The following SYNPR variants were observed in gnomAD, a reference collection of about 807,000 sequenced individuals.
The protein encoded by SYNPR is synaptoporin.
Under a neutral mutation model 32.9 loss-of-function variants are expected in SYNPR, and 23 were observed. The ratio of observed to expected loss-of-function variants is 0.70; its 90% confidence interval spans 0.50 to 0.99. SYNPR has a LOEUF of 0.99. SYNPR is among the 50% of genes least tolerant of loss of function. The pLI, the probability that SYNPR is intolerant of heterozygous loss-of-function variation, is 0.00. For missense variants in SYNPR, 318 were observed against 349.3 expected (o/e 0.91, Z 0.71); for synonymous variants, 146 against 135.9 (o/e 1.07, Z -0.52).
the SYNPR span, among the ~76,000 whole-genome samples, chr3:63,209,175 G>A: frequency 7.2e-5 from 11 of 152,106 alleles, no homozygotes; most frequent in African/African-American, 2.4e-4. Context: ...AAAACTAGCC[G>A]GGCGAGGTGG....
intron 2 of SYNPR, among the ~76,000 whole-genome samples, chr3:63,415,354 AG>A (rs1263149411): frequency 6.6e-6 from 1 of 152,224 alleles, no homozygotes; most frequent in Non-Finnish European, 1.5e-5. Flanking sequence ...TCTAGACCAG[AG>A]ACTGGCAAAT....
chr3:63,341,398 G>T (rs2087369076), intron 2 of SYNPR, among the ~76,000 whole-genome samples: 1 of 152,114 alleles, frequency 6.6e-6, no homozygotes, highest in Admixed American at 6.5e-5. Flanking sequence ...ATCCTATAGT[G>T]GACTAAGCTT....
chr3:63,339,911 C>T (rs2087342448), intron 2 of SYNPR, among the ~76,000 whole-genome samples: 1 of 152,194 alleles, frequency 6.6e-6, no homozygotes, highest in Non-Finnish European at 1.5e-5. Flanking sequence ...CCCGCCTCGG[C>T]CTCCCAAAGT....
At chr3:63,503,091 C>T (rs1353537878) in intron 3 of SYNPR, among the ~76,000 whole-genome samples, 1 of 152,102 alleles carries the variant, frequency 6.6e-6, no homozygotes, top group African/African-American at 2.4e-5. Context: ...GCATTCCCAC[C>T]AGAAATAAAC....
chr3:63,475,502 T>C (rs1451614635), intron 2 of SYNPR, among the ~76,000 whole-genome samples: 1 of 152,190 alleles, frequency 6.6e-6, no homozygotes, highest in Non-Finnish European at 1.5e-5. Context: ...ACACCTTCAA[T>C]GTCTGGTAAG....
At chr3:63,475,936 T>A (rs1700892865) in intron 2 of SYNPR, among the ~76,000 whole-genome samples, 1 of 152,020 alleles carries the variant, frequency 6.6e-6, no homozygotes, top group African/African-American at 2.4e-5. Flanking sequence ...CTCTCGAGCA[T>A]CAGTGGTCAA....
the SYNPR span, among the ~76,000 whole-genome samples, chr3:63,205,791 C>A: frequency 6.6e-6 from 1 of 152,144 alleles, no homozygotes; most frequent in Non-Finnish European, 1.5e-5. Flanking sequence ...TAGGAGTATG[C>A]AAAGTATTAC....
intron 2 of SYNPR, among the ~76,000 whole-genome samples, chr3:63,256,640 G>A (rs1446821709): frequency 6.6e-6 from 1 of 152,128 alleles, no homozygotes; most frequent in Non-Finnish European, 1.5e-5. Flanking sequence ...AGAAAAATTG[G>A]AAACTCTAAA....
upstream of SYNPR, among the ~76,000 whole-genome samples, chr3:63,276,805 G>A (rs779600176): frequency 2.0e-4 from 30 of 152,088 alleles, no homozygotes; most frequent in Non-Finnish European, 5.9e-5. Context: ...CAAAATTCAT[G>A]AGCAGGGGGC....
intron 2 of SYNPR, among the ~76,000 whole-genome samples, chr3:63,368,390 A>T (rs891687988): frequency 2.0e-5 from 3 of 152,188 alleles, no homozygotes; most frequent in Admixed American, 6.5e-5. Context: ...GAGGAATGTG[A>T]TGTTGCATAT....
intron 1 of SYNPR, among the ~76,000 whole-genome samples, chr3:63,248,089 G>A (rs2086305338): frequency 1.3e-5 from 2 of 152,118 alleles, no homozygotes; most frequent in South Asian, 2.1e-4. Flanking sequence ...CCTTGGGATT[G>A]AGAGCTATTA....
At chr3:63,430,779 T>C (rs1401649092) in intron 2 of SYNPR, among the ~76,000 whole-genome samples, 1 of 152,188 alleles carries the variant, frequency 6.6e-6, no homozygotes, top group African/African-American at 2.4e-5. Context: ...TTTTTTTTCT[T>C]TCTGAAGAAT....
Position 63,324,581 on chromosome 3 carries a change from G to C in SYNPR, c.84+45839G>C, listed in dbSNP as rs115346362. On this transcript the variant is annotated intron_variant, in intron 2 of 5. Transcript: ENST00000478300. ...AGACGACTTATCCAGTGAGATGTGTGGTCCAGGTGAGTGGTCTTGAAAGCC... is the reference window on the plus strand; with the variant it reads ...AGACGACTTATCCAGTGAGATGTGTCGTCCAGGTGAGTGGTCTTGAAAGCC... 6.1e-3 allele frequency among the ~76,000 whole-genome samples: 924 copies of C among 152,208 alleles called. 13 individuals carry two copies. Among genetic ancestry groups the C allele is most frequent in the African/African-American group, 0.02 (828 of 41,552 alleles).
intron 2 of SYNPR, among the ~76,000 whole-genome samples, chr3:63,279,361 C>G (rs2106916457): frequency 6.6e-6 from 1 of 152,296 alleles, no homozygotes; most frequent in South Asian, 2.1e-4. Flanking sequence ...GGCCACTCCT[C>G]TAGGGCTTTT....
intron 2 of SYNPR, among the ~76,000 whole-genome samples, chr3:63,342,150 C>G (rs1228134305): frequency 1.3e-5 from 2 of 152,208 alleles, no homozygotes; most frequent in East Asian, 3.8e-4. Flanking sequence ...TTTGCTCCCT[C>G]TTCAAAGATC....
chr3:63,606,469 C>T (rs1700123960), intron 4 of SYNPR, among the ~76,000 whole-genome samples: 1 of 119,746 alleles, frequency 8.4e-6, no homozygotes, highest in Admixed American at 1.1e-4. Context: ...GTTGCCCAGG[C>T]TGAACTGGCT....
At chr3:63,577,355 C>T (rs1333749580) in intron 4 of SYNPR, among the ~76,000 whole-genome samples, 2 of 152,132 alleles carry the variant, frequency 1.3e-5, no homozygotes, top group African/African-American at 2.4e-5. Context: ...ATAGAGTACC[C>T]TGAATTTAGG....
chr3:63,574,481 T>G (rs1702944092), intron 4 of SYNPR, among the ~76,000 whole-genome samples: 1 of 152,056 alleles, frequency 6.6e-6, no homozygotes, highest in Non-Finnish European at 1.5e-5. Flanking sequence ...AGTGGTGAAG[T>G]GGGGGCAAAG....
At chr3:63,427,183 C>T (rs528567567) in intron 2 of SYNPR, among the ~76,000 whole-genome samples, 2 of 145,354 alleles carry the variant, frequency 1.4e-5, no homozygotes, top group Non-Finnish European at 3.0e-5. Flanking sequence ...CCCAAGGAGA[C>T]AATAAAATGT....
Sources: gnomAD v4.1 joint callset for allele counts (sites outside exome capture counted in the v4.1 genomes callset) on GRCh38, gnomAD v4.1.1 for gene constraint, MANE v1.5 for transcripts, NCBI Gene and HGNC (gene_info 2026-07-23, HGNC 2026-07-21) for gene names.